Variants in TMEM169 observed in about 807,000 individuals in gnomAD.
TMEM169 encodes the protein transmembrane protein 169.
In TMEM169, 18 loss-of-function variants were observed where a neutral mutation model predicts 27.3. The observed-to-expected ratio is 0.66, with a 90% CI of 0.46 to 0.98. The LOEUF (loss-of-function observed/expected upper bound fraction) is 0.98. Ranked by LOEUF, TMEM169 falls within the 50% of genes least tolerant of loss-of-function variation. The pLI is 0.00. For missense variants in TMEM169, 320 were observed against 368.6 expected (o/e 0.87, Z 1.08); for synonymous variants, 136 against 142.1 (o/e 0.96, Z 0.30).
chr2:216,095,060 C>A (rs563837684), intron 1 of TMEM169, among the ~76,000 whole-genome samples: 7 of 150,252 alleles, frequency 4.7e-5, no homozygotes, highest in African/African-American at 1.7e-4. Flanking sequence ...GATTCAATAG[C>A]CAGAAGTCTG....
intron 1 of TMEM169, among the ~76,000 whole-genome samples, chr2:216,085,138 C>T (rs559247005): frequency 2.0e-5 from 3 of 152,264 alleles, no homozygotes; most frequent in East Asian, 3.9e-4. Context: ...GACAGGTGCG[C>T]GCTGCCACGC....
chr2:216,087,155 G>A (rs1388821277), intron 1 of TMEM169, among the ~76,000 whole-genome samples: 1 of 138,802 alleles, frequency 7.2e-6, no homozygotes, highest in African/African-American at 2.7e-5. Flanking sequence ...CATGTGTTGA[G>A]TAGTCACGTT....
chr2:216,099,832 G>A lies in TMEM169; in HGVS notation c.272-88G>A. ...AGATGGTGTAAAAAAGGCTACTCTTGTCCTCATGCCCAGCCTGGGAGGGTG... is the reference window on the plus strand; with the variant it reads ...AGATGGTGTAAAAAAGGCTACTCTTATCCTCATGCCCAGCCTGGGAGGGTG... On this transcript the variant is annotated intron_variant, in intron 2 of 2. Coordinates refer to ENST00000437356, the MANE Select transcript of TMEM169 (RefSeq NM_001142311.2). This position sits in a 1 kb window ranked among gnomAD's most constrained non-coding sequence, Gnocchi z 5.0. 1 of 1,524,592 alleles carries A rather than the reference G, an allele frequency of 6.6e-7. No homozygotes were observed. Among genetic ancestry groups the A allele is most frequent in the Non-Finnish European group, 8.8e-7 (1 of 1,138,204 alleles). 94.4% of individuals were successfully genotyped at this position (1,524,592 alleles called of 1,614,324 possible).
Position 216,096,075 on chromosome 2 carries a change from G to C in TMEM169, c.112G>C (p.Gly38Arg). Residue 38 changes from glycine (G) to arginine (R), a missense_variant, in exon 2 of 3, where the codon GGG (glycine) becomes CGG (arginine). Transcript: ENST00000437356. ...ALALDGESTM[G>R]HRKKKRKESR... ...GGCGCTGGATGGGGAATCCACAATG[G>C]GGCACAGGAAAAAGAAGAGGAAAGA... 1 of 1,614,164 alleles carries C rather than the reference G, an allele frequency of 6.2e-7. No homozygotes were observed. The highest frequency in any genetic ancestry group is 1.3e-5 in the African/African-American group (1 of 75,036).
intron 1 of TMEM169, among the ~76,000 whole-genome samples, chr2:216,089,592 G>C (rs1696081466): frequency 6.6e-6 from 1 of 152,208 alleles, no homozygotes; most frequent in African/African-American, 2.4e-5. Flanking sequence ...GAGTAGCTGG[G>C]ATTACAGGCG....
chr2:216,093,742 G>A (rs911536136), intron 1 of TMEM169, among the ~76,000 whole-genome samples: 1 of 152,038 alleles, frequency 6.6e-6, no homozygotes, highest in African/African-American at 2.4e-5. Context: ...CCTGGAGGGG[G>A]AGAAAAAGCC....
rs1238732549 is a variant in TMEM169, at chr2:216,091,848, AC to A, written c.-126-3988del. Among the ~76,000 whole-genome samples, 3 of 152,336 alleles carry A rather than the reference AC, an allele frequency of 2.0e-5. No individual in the cohort carries two copies. The East Asian group carries it at 5.8e-4, about 29-fold the overall frequency. On this transcript the variant is annotated intron_variant, in intron 1 of 2. Transcript: ENST00000437356. ...TTAAAACTGGTTCTATTGTCTACTT[AC>A]CATGACTACAAAATAACCCATCTTT...
chr2:216,094,747 C>T (rs140324366), intron 1 of TMEM169, among the ~76,000 whole-genome samples: 108 of 152,252 alleles, frequency 7.1e-4, no homozygotes, highest in African/African-American at 1.8e-3. Context: ...ATAAATGACC[C>T]GCTTTCTTTA....
intron 1 of TMEM169, among the ~76,000 whole-genome samples, chr2:216,088,975 C>A (rs369895652): frequency 1.3e-5 from 2 of 152,132 alleles, no homozygotes; most frequent in African/African-American, 4.8e-5. Context: ...TTTGGGCGTT[C>A]TTGGCATAGA....
intron 1 of TMEM169, among the ~76,000 whole-genome samples, chr2:216,092,214 G>A (rs1398011007): frequency 6.6e-6 from 1 of 152,054 alleles, no homozygotes; most frequent in African/African-American, 2.4e-5. Flanking sequence ...ATCCCCAAGA[G>A]ACTCCAAAGC....
Position 216,100,626 on chromosome 2 carries a change from C to A in TMEM169, c.*84C>A, listed in dbSNP as rs1005947366. On this transcript the variant is annotated 3_prime_UTR_variant, in exon 3 of 3. Transcript: ENST00000437356. ...CCAGCAGATTATTTCTTTAAATTAC[C>A]CCCTACTCTCCGCAGTTCTTCTGGG... 4 of 1,554,874 alleles carry A rather than the reference C, an allele frequency of 2.6e-6. No homozygotes were observed. In the African/African-American group the frequency reaches 4.1e-5, roughly 16 times the overall value.
intron 1 of TMEM169, among the ~76,000 whole-genome samples, chr2:216,094,215 C>G (rs898502969): frequency 2.0e-5 from 3 of 152,088 alleles, no homozygotes; most frequent in African/African-American, 7.2e-5. Flanking sequence ...TAGAAGCTTG[C>G]GATTCTGAAT....
At chr2:216,086,042 ACT>A (rs1159842189) in intron 1 of TMEM169, among the ~76,000 whole-genome samples, 3 of 151,788 alleles carry the variant, frequency 2.0e-5, no homozygotes, top group Non-Finnish European at 4.4e-5. Flanking sequence ...TGAAGCTAAC[ACT>A]CTGTAATATC....
intron 1 of TMEM169, among the ~76,000 whole-genome samples, chr2:216,089,559 C>T (rs1469607785): frequency 2.6e-5 from 4 of 152,196 alleles, no homozygotes; most frequent in East Asian, 3.8e-4. Context: ...CAGGTTCAAG[C>T]GATTCTCCTG....
At position 216,100,812 on chromosome 2, in the gene TMEM169, T is replaced by C. The variant is rs1459639075; in HGVS notation, c.*270T>C. Reference sequence around the variant, plus strand: ...TTTAGGACAATGGAACTCTGCTGTGTGTCGTTTTGGGAGCCTGGAAGTGTT... The same window carrying C: ...TTTAGGACAATGGAACTCTGCTGTGCGTCGTTTTGGGAGCCTGGAAGTGTT... On this transcript the variant is annotated 3_prime_UTR_variant, in exon 3 of 3. Transcript: ENST00000437356. 31 of 474,066 alleles carry C rather than the reference T, an allele frequency of 6.5e-5. No homozygotes were observed. The East Asian group carries it at 1.0e-3, about 16-fold the overall frequency. The allele number at this position is 474,066 out of a possible 1,614,324, so 29.4% of individuals were successfully genotyped here.
Position 216,100,553 on chromosome 2 carries a change from A to C in TMEM169, c.*11A>C. On this transcript the variant is annotated 3_prime_UTR_variant, in exon 3 of 3. Transcript: ENST00000437356. ...ACCTCCACGGTCTAAACTCCCAACA[A>C]CTTACTCCCTCCTCTGGCCCCAGTA... 1 of 1,613,774 alleles carries C rather than the reference A, an allele frequency of 6.2e-7. No homozygotes were observed. The highest frequency in any genetic ancestry group is 8.5e-7 in the Non-Finnish European group (1 of 1,179,966).
At chr2:216,096,303 C>G (rs1393939988) in intron 2 of TMEM169, 69 bp downstream of exon 2, 1 of 1,513,336 alleles carries the variant, frequency 6.6e-7, no homozygotes, top group Non-Finnish European at 9.0e-7. Flanking sequence ...CCAGAACAGA[C>G]AGGCATATGC....
intron 1 of TMEM169, 73 bp downstream of exon 1, chr2:216,082,052 A>G (rs535834259): frequency 5.6e-4 from 190 of 342,188 alleles, no homozygotes; most frequent in South Asian, 5.2e-3. Context: ...AAAAAAAAAA[A>G]AAGAAGAAGA....
rs747527011 is a variant in TMEM169 at position 216,096,241 on chromosome 2, C to A, written c.271+7C>A. 12 of 1,608,728 alleles carry A rather than the reference C, an allele frequency of 7.5e-6. No individual in the cohort carries two copies. In the Middle Eastern group the frequency reaches 1.5e-3, roughly 199 times the overall value. On this transcript the variant is annotated splice_region_variant and intron_variant, in intron 2 of 2. Coordinates refer to ENST00000437356, the MANE Select transcript of TMEM169 (RefSeq NM_001142311.2). ...GACTATCCTGTGGATGATGGTAAGT[C>A]TCTCTAGCCCACTTGTTTAAAGCCA...
Sources: allele counts gnomAD v4.1 joint callset (sites outside exome capture counted in the v4.1 genomes callset), GRCh38; gene constraint gnomAD v4.1.1; non-coding constraint Gnocchi (gnomAD v3.1); transcripts MANE v1.5; gene names NCBI Gene and HGNC (gene_info 2026-07-23, HGNC 2026-07-21).